The following DCC variants were observed in gnomAD, a reference collection of about 807,000 sequenced individuals.
DCC encodes DCC netrin 1 receptor.
Under a neutral mutation model 172.5 loss-of-function variants are expected in DCC, and 58 were observed. The observed-to-expected ratio is 0.34, with a 90% CI of 0.27 to 0.42. The LOEUF (loss-of-function observed/expected upper bound fraction) is 0.42. Ranked by LOEUF, DCC falls within the 10% of genes least tolerant of loss-of-function variation. The pLI, the probability that DCC is intolerant of heterozygous loss-of-function variation, is 1.00. For missense variants in DCC, 1,740 were observed against 1,791.0 expected, an observed-to-expected ratio of 0.97 and a Z score of 0.51; for synonymous variants, 709 against 644.5, an observed-to-expected ratio of 1.10 and a Z score of -1.52.
At chr18:53,505,746 C>T (rs910366990) in intron 27 of DCC, among the ~76,000 whole-genome samples, 1 of 152,012 alleles carries the variant, frequency 6.6e-6, no homozygotes, top group African/African-American at 2.4e-5. Context: ...AACATGTAAG[C>T]TACAAAGAAT....
At chr18:52,567,656 T>C (rs1314971846) in intron 1 of DCC, among the ~76,000 whole-genome samples, 1 of 152,072 alleles carries the variant, frequency 6.6e-6, no homozygotes, top group African/African-American at 2.4e-5. Context: ...ACAACAGAGA[T>C]TCTAAAGCAG....
chr18:52,945,203 T>C (rs568581010), intron 5 of DCC, among the ~76,000 whole-genome samples: 1 of 152,332 alleles, frequency 6.6e-6, no homozygotes, highest in East Asian at 1.9e-4. Context: ...TTGTTTCCTT[T>C]AAAAATATGA....
intron 12 of DCC, among the ~76,000 whole-genome samples, chr18:53,239,374 A>G (rs2056254975): frequency 1.3e-5 from 2 of 151,786 alleles, no homozygotes; most frequent in South Asian, 4.1e-4. Flanking sequence ...TTTTCAAACC[A>G]CAGAGTCACT....
At chr18:53,020,427 T>C (rs2041863824) in intron 5 of DCC, among the ~76,000 whole-genome samples, 1 of 152,184 alleles carries the variant, frequency 6.6e-6, no homozygotes, top group Admixed American at 6.5e-5. Context: ...TATATTAACA[T>C]GTTCATAAAA....
intron 12 of DCC, among the ~76,000 whole-genome samples, chr18:53,255,720 A>G (rs1465666202): frequency 6.6e-6 from 1 of 152,100 alleles, no homozygotes; most frequent in Non-Finnish European, 1.5e-5. Context: ...TCCTTTGGGT[A>G]TATACCCAGT....
intron 1 of DCC, among the ~76,000 whole-genome samples, chr18:52,407,780 C>T (rs1598793572): frequency 5.9e-5 from 1 of 17,064 alleles, no homozygotes; most frequent in Non-Finnish European, 1.5e-4. Context: ...AAAGTACATT[C>T]TCTATTTCTA....
At chr18:52,518,114 A>T (rs937280660) in intron 1 of DCC, among the ~76,000 whole-genome samples, 27 of 152,186 alleles carry the variant, frequency 1.8e-4, no homozygotes, top group African/African-American at 6.5e-4. Flanking sequence ...CTTATATTGA[A>T]AAAAGAAAAA....
intron 1 of DCC, among the ~76,000 whole-genome samples, chr18:52,395,395 T>C (rs1028891865): frequency 2.0e-5 from 3 of 152,046 alleles, no homozygotes; most frequent in East Asian, 1.9e-4. Flanking sequence ...TTGCTCGGTA[T>C]GTGGGTTTGG....
chr18:53,286,320 T>C (rs2056935046), intron 12 of DCC, among the ~76,000 whole-genome samples: 1 of 152,086 alleles, frequency 6.6e-6, no homozygotes, highest in Non-Finnish European at 1.5e-5. Flanking sequence ...GGCAGGTCTT[T>C]CCTGTGCTGT....
chr18:53,500,446 T>C (rs2046082866), intron 27 of DCC, among the ~76,000 whole-genome samples: 1 of 152,190 alleles, frequency 6.6e-6, no homozygotes, highest in South Asian at 2.1e-4. Flanking sequence ...ATCTACATTA[T>C]GCTCATACAT....
chr18:53,117,505 T>C (rs916030301), intron 7 of DCC, among the ~76,000 whole-genome samples: 1 of 151,790 alleles, frequency 6.6e-6, no homozygotes, highest in Non-Finnish European at 1.5e-5. Flanking sequence ...TTGGGGCTCT[T>C]TAGTTGTTGA....
At chr18:52,439,358 T>C (rs540611429) in intron 1 of DCC, among the ~76,000 whole-genome samples, 1 of 152,216 alleles carries the variant, frequency 6.6e-6, no homozygotes, top group Non-Finnish European at 1.5e-5. Flanking sequence ...ACATTAGCTG[T>C]AGTTTCACTT....
chr18:52,558,481 A>G (rs2032964529), intron 1 of DCC, among the ~76,000 whole-genome samples: 1 of 152,158 alleles, frequency 6.6e-6, no homozygotes, highest in Non-Finnish European at 1.5e-5. Context: ...GATTACTAGT[A>G]TTCCTATCAT....
At chr18:52,418,346 A>G (rs570468779) in intron 1 of DCC, among the ~76,000 whole-genome samples, 1 of 152,304 alleles carries the variant, frequency 6.6e-6, no homozygotes, top group Admixed American at 6.5e-5. Context: ...AGATAAACTA[A>G]TAAACATGAA....
chr18:53,286,786 G>A (rs1184066975), intron 12 of DCC, among the ~76,000 whole-genome samples: 4 of 152,150 alleles, frequency 2.6e-5, no homozygotes, highest in Admixed American at 1.3e-4. Context: ...GGTTCCCTCT[G>A]GAAAGTACTT....
chr18:53,312,340 C>CAA (rs1218591102), intron 13 of DCC, among the ~76,000 whole-genome samples: 66 of 17,414 alleles, frequency 3.8e-3, no homozygotes, highest in South Asian at 0.014. Flanking sequence ...GACTCTGTCT[C>CAA]AAAAAAAAAA....
chr18:52,357,954 A>AAT (rs1555673412), intron 1 of DCC, among the ~76,000 whole-genome samples: 1,980 of 147,910 alleles, frequency 0.013, 63 homozygotes, highest in African/African-American at 0.045. Flanking sequence ...AAAAAAAAAA[A>AAT]AATCTGACAA....
intron 3 of DCC, among the ~76,000 whole-genome samples, chr18:52,916,261 A>G (rs1598926781): frequency 6.6e-6 from 1 of 151,810 alleles, no homozygotes; most frequent in African/African-American, 2.4e-5. Context: ...AGGACAGTCA[A>G]TAGAAAAACT....
intron 2 of DCC, among the ~76,000 whole-genome samples, chr18:52,772,245 C>T (rs2037357025): frequency 6.6e-6 from 1 of 152,138 alleles, no homozygotes; most frequent in Non-Finnish European, 1.5e-5. Flanking sequence ...AACTGTTATT[C>T]TTTTAAGACT....
Sources: gnomAD v4.1 joint callset for allele counts (sites outside exome capture counted in the v4.1 genomes callset) on GRCh38, gnomAD v4.1.1 for gene constraint, MANE v1.5 for transcripts, NCBI Gene and HGNC (gene_info 2026-07-23, HGNC 2026-07-21) for gene names.